The following EML6 variants were observed in gnomAD, a reference collection of about 807,000 sequenced individuals.
EML6 encodes the protein EMAP like 6.
Under a neutral mutation model 240.1 loss-of-function variants are expected in EML6, and 154 were observed. The ratio of observed to expected loss-of-function variants is 0.64; its 90% confidence interval spans 0.56 to 0.73. The LOEUF (loss-of-function observed/expected upper bound fraction) is 0.73, where lower values mean the gene tolerates loss of function less well. Among genes scored for constraint, EML6 ranks in the 30% least tolerant of loss-of-function variants. The pLI is 0.00. For synonymous variants in EML6, 1,148 were observed against 899.0 expected, an observed-to-expected ratio of 1.28 and a Z score of -4.95; for missense variants, 2,964 against 2,474.6, an observed-to-expected ratio of 1.20 and a Z score of -4.20.
intron 2 of EML6, among the ~76,000 whole-genome samples, chr2:54,794,911 C>G (rs1352033420): frequency 3.3e-5 from 5 of 152,120 alleles, no homozygotes; most frequent in African/African-American, 1.2e-4. Context: ...CAACTGAAGA[C>G]TTTCAGGATA....
chr2:54,933,722 A>G (rs1242016816), intron 28 of EML6, among the ~76,000 whole-genome samples: 2 of 151,780 alleles, frequency 1.3e-5, no homozygotes, highest in African/African-American at 2.4e-5. Context: ...ACAGAGTGAG[A>G]CTCTGCCTCA....
At chr2:54,925,962 C>T (rs916033116) in intron 26 of EML6, among the ~76,000 whole-genome samples, 51 of 152,174 alleles carry the variant, frequency 3.4e-4, no homozygotes, top group African/African-American at 1.2e-3. Flanking sequence ...GAGGATGATT[C>T]TTCAGAGAGA....
At chr2:54,906,431 T>C (rs1160740671) in intron 24 of EML6, among the ~76,000 whole-genome samples, 1 of 152,150 alleles carries the variant, frequency 6.6e-6, no homozygotes, top group Non-Finnish European at 1.5e-5. Flanking sequence ...TCCCTCGATA[T>C]GGAGCCATCA....
At chr2:54,727,439 A>G (rs574642364) in intron 2 of EML6, among the ~76,000 whole-genome samples, 3 of 152,332 alleles carry the variant, frequency 2.0e-5, no homozygotes, top group Admixed American at 2.0e-4. Flanking sequence ...TGAAATTGGA[A>G]TGTTTATGCT....
At chr2:54,805,230 A>G (rs1159581653) in intron 2 of EML6, among the ~76,000 whole-genome samples, 7 of 152,118 alleles carry the variant, frequency 4.6e-5, no homozygotes, top group Non-Finnish European at 8.8e-5. Flanking sequence ...CGTGTGACCT[A>G]TTTCCGATTT....
At chr2:54,910,223 T>TA (rs1558676679) in intron 24 of EML6, among the ~76,000 whole-genome samples, 1 of 152,164 alleles carries the variant, frequency 6.6e-6, no homozygotes, top group African/African-American at 2.4e-5. Context: ...CCATAATATT[T>TA]AAAAAATGGC....
intron 7 of EML6, among the ~76,000 whole-genome samples, chr2:54,841,541 C>T (rs977382031): frequency 6.0e-5 from 9 of 151,136 alleles, no homozygotes; most frequent in African/African-American, 2.0e-4. Flanking sequence ...CCAAATTACC[C>T]CTTCTGTTGT....
intron 14 of EML6, 170 bp downstream of exon 14, chr2:54,867,054 C>G (rs895572895): frequency 2.1e-6 from 1 of 479,220 alleles, no homozygotes; most frequent in Non-Finnish European, 3.9e-6. Flanking sequence ...AAGTGTGACT[C>G]TCTATCCACT....
At position 54,954,138 on chromosome 2, in the gene EML6, G is replaced by T. The variant is rs1243433715; in HGVS notation, c.4468G>T (p.Val1490Phe). Residue 1490 changes from valine to phenylalanine, a missense_variant, in exon 32 of 42, where the codon GTC (valine) becomes TTC (phenylalanine). By Grantham distance (50) the Val-to-Phe change is conservative. Coordinates refer to ENST00000356458, the MANE Select transcript of EML6 (RefSeq NM_001039753.4). ...VGVDPEHTIT[V>F]WRWQEGAKVA... ...AGTGGACCCTGAGCACACCATCACT[G>T]TCTGGCGATGGCAGGAAGGTAAACC... The T allele has an allele frequency of 2.6e-6, 4 of 1,550,960 alleles. No individual in the cohort carries two copies. In the East Asian group the frequency reaches 9.8e-5, roughly 38 times the overall value.
In EML6 at chr2:54,958,610, T is replaced by G. The variant is rs17046512; in HGVS notation, c.4696-494T>G. On this transcript the variant is annotated intron_variant, in intron 33 of 41. Transcript: ENST00000356458. ...AGCCCCAGAGGATATTGGGAACAAT[T>G]TCCACTGTAGATAATGATCCTTTTT... 3.6e-3 allele frequency among the ~76,000 whole-genome samples: 554 copies of G among 152,220 alleles called. 3 individuals are homozygous for G. Among genetic ancestry groups the G allele is most frequent in the African/African-American group, 0.013 (535 of 41,522 alleles).
intron 2 of EML6, among the ~76,000 whole-genome samples, chr2:54,810,314 A>T (rs969712178): frequency 1.3e-5 from 2 of 152,200 alleles, no homozygotes; most frequent in Non-Finnish European, 2.9e-5. Context: ...TAAATCCAAA[A>T]TGTGAGGTGT....
At chr2:54,751,307 A>G (rs933765975) in intron 2 of EML6, among the ~76,000 whole-genome samples, 1 of 152,318 alleles carries the variant, frequency 6.6e-6, no homozygotes, top group Non-Finnish European at 1.5e-5. Context: ...CCTGAGAAAC[A>G]CACGGGGATG....
intron 2 of EML6, among the ~76,000 whole-genome samples, chr2:54,810,311 A>G (rs1667770642): frequency 6.6e-6 from 1 of 152,234 alleles, no homozygotes; most frequent in Admixed American, 6.5e-5. Context: ...CTTTAAATCC[A>G]AAATGTGAGG....
intron 24 of EML6, among the ~76,000 whole-genome samples, chr2:54,905,971 G>C (rs1420448480): frequency 6.6e-6 from 1 of 152,202 alleles, no homozygotes; most frequent in Non-Finnish European, 1.5e-5. Flanking sequence ...CACTGTGAGT[G>C]ATGCTGCTAT....
chr2:54,822,069 A>T (rs1408217303), intron 5 of EML6, among the ~76,000 whole-genome samples: 2 of 152,224 alleles, frequency 1.3e-5, no homozygotes, highest in Non-Finnish European at 2.9e-5. Context: ...TTGTTCTCAA[A>T]ATGCAAAGAT....
chr2:54,895,621 A>G (rs892134721), intron 21 of EML6, among the ~76,000 whole-genome samples: 1 of 152,230 alleles, frequency 6.6e-6, no homozygotes, highest in Non-Finnish European at 1.5e-5. Flanking sequence ...CAGGAATCTG[A>G]GCACAGCTTA....
chr2:54,750,557 ACTGT>A (rs1174061953), intron 2 of EML6, among the ~76,000 whole-genome samples: 2 of 152,162 alleles, frequency 1.3e-5, no homozygotes, highest in Admixed American at 6.5e-5. Flanking sequence ...GACTCAGATG[ACTGT>A]CAGTAGTATC....
At chr2:54,869,405 A>T in intron 15 of EML6, 38 bp downstream of exon 15, 1 of 1,430,992 alleles carries the variant, frequency 7.0e-7, no homozygotes, top group Non-Finnish European at 9.4e-7. Context: ...AGCCAAAAAG[A>T]GAATTTAATT....
rs575979713 is a variant in EML6, at chr2:54,930,538, G to GA, written c.4004+1792dup. On this transcript the variant is annotated intron_variant, in intron 28 of 41. Transcript: ENST00000356458. ...TGACTCTTTTTTTTTTTATCAAAAG[G>GA]AAAAAGCCTTATAATATTATGAAAT... Among the ~76,000 whole-genome samples, 9 of 151,596 alleles carry GA rather than the reference G, an allele frequency of 5.9e-5. No homozygotes were observed. In the South Asian group the frequency reaches 1.7e-3, roughly 28 times the overall value.
Sources: gnomAD v4.1 joint callset for allele counts (sites outside exome capture counted in the v4.1 genomes callset) on GRCh38, gnomAD v4.1.1 for gene constraint, MANE v1.5 for transcripts, NCBI Gene and HGNC (gene_info 2026-07-23, HGNC 2026-07-21) for gene names.